SLC30A3: variants seen among roughly 807,000 people sequenced by gnomAD.
The protein encoded by SLC30A3 is probable proton-coupled zinc antiporter SLC30A3.
In SLC30A3, 20 loss-of-function variants were observed where a neutral mutation model predicts 35.6. That is an observed-to-expected ratio of 0.56 (90% confidence interval 0.39 to 0.82). The LOEUF is 0.82. Ranked by LOEUF, SLC30A3 falls within the 40% of genes least tolerant of loss-of-function variation. SLC30A3 has a pLI of 0.00. For synonymous variants in SLC30A3, 217 were observed against 224.7 expected, an observed-to-expected ratio of 0.97 and a Z score of 0.31; for missense variants, 401 against 530.6, an observed-to-expected ratio of 0.76 and a Z score of 2.40.
exon 1 of SLC30A3, chr2:27,275,316 T>C (rs1572500851): frequency 5.7e-6 from 5 of 877,840 alleles, no homozygotes; most frequent in Non-Finnish European, 6.6e-6. Context: ...GCTCCTACGC[T>C]GCCTTGGGCC....
intron 1 of SLC30A3, among the ~76,000 whole-genome samples, chr2:27,273,556 C>T (rs1241562374): frequency 6.7e-6 from 1 of 150,060 alleles, no homozygotes; most frequent in African/African-American, 2.5e-5. Context: ...TGAGACAAAC[C>T]ACCATAAAAA....
At chr2:27,272,666 T>C (rs1412514027) in intron 1 of SLC30A3, among the ~76,000 whole-genome samples, 1 of 151,398 alleles carries the variant, frequency 6.6e-6, no homozygotes, top group East Asian at 2.0e-4. Flanking sequence ...GACCTCGTGA[T>C]CGACCCGCCT....
chr2:27,266,771 C>T (rs917524316), upstream of SLC30A3, among the ~76,000 whole-genome samples: 2 of 152,104 alleles, frequency 1.3e-5, no homozygotes, highest in African/African-American at 2.4e-5. Context: ...GTGGCATGCA[C>T]CTATAGTCCC....
upstream of SLC30A3, among the ~76,000 whole-genome samples, chr2:27,264,601 C>T (rs1370860867): frequency 6.6e-6 from 1 of 152,192 alleles, no homozygotes; most frequent in East Asian, 1.9e-4. The surrounding 1 kb of genome is among the most constrained non-coding windows in gnomAD (Gnocchi z 6.1). Flanking sequence ...GCGCGCCCTC[C>T]GCGCCGTCCC....
In SLC30A3 at chr2:27,261,130, T is replaced by C. The variant is rs138043190; in HGVS notation, c.95+1682A>G. 1.5e-3 allele frequency among the ~76,000 whole-genome samples: 224 copies of C among 152,208 alleles called. 1 individual carries two copies. The highest frequency in any genetic ancestry group is 4.7e-3 in the Admixed American group (72 of 15,286). ...GTTGGAGAAGGGTGTTCCAGACATG[T>C]AGAATGACAAAGACGAGGTTTGTGG... is the stretch of plus-strand genomic sequence containing the variant. On this transcript the variant is annotated intron_variant, in intron 1 of 7. Coordinates refer to ENST00000233535, the MANE Select transcript of SLC30A3 (RefSeq NM_003459.5).
rs566117541 is a variant in SLC30A3 at position 27,259,708 on chromosome 2, A to G, written c.96-774T>C. 9.9e-5 allele frequency among the ~76,000 whole-genome samples: 15 copies of G among 152,224 alleles called. No homozygotes were observed. The South Asian group carries it at 1.2e-3, about 13-fold the overall frequency. Reference sequence around the variant, plus strand: ...GGCATGAGGCTCACAGAGTTGGGGGACACATGGAGGCCAACCCAGTTAGTT... The same window carrying G: ...GGCATGAGGCTCACAGAGTTGGGGGGCACATGGAGGCCAACCCAGTTAGTT... On this transcript the variant is annotated intron_variant, in intron 1 of 7. Transcript: ENST00000233535.
chr2:27,263,209 C>G, upstream of SLC30A3: 1 of 858,858 alleles, frequency 1.2e-6, no homozygotes, highest in Non-Finnish European at 1.6e-6. Context: ...AGCCCGGGAG[C>G]GCCCCGCCAC....
chr2:27,260,861 C>T (rs546209711), intron 1 of SLC30A3, among the ~76,000 whole-genome samples: 25 of 152,082 alleles, frequency 1.6e-4, no homozygotes, highest in Non-Finnish European at 3.1e-4. Context: ...GAGGAGATGG[C>T]GTGGTGAAGG....
chr2:27,256,264 G>A, intron 7 of SLC30A3, 122 bp downstream of exon 7: 1 of 1,144,490 alleles, frequency 8.7e-7, no homozygotes, highest in Non-Finnish European at 1.3e-6. Flanking sequence ...GAGAGAGAGA[G>A]ACACAGAGAA....
chr2:27,273,815 C>G (rs562814413), intron 1 of SLC30A3, among the ~76,000 whole-genome samples: 108 of 151,868 alleles, frequency 7.1e-4, no homozygotes, highest in African/African-American at 2.5e-3. Context: ...CTTCTGCTCT[C>G]TCTACCCAGT....
upstream of SLC30A3, among the ~76,000 whole-genome samples, chr2:27,265,251 G>A (rs538023031): frequency 5.9e-5 from 9 of 152,380 alleles, no homozygotes. The surrounding 1 kb of genome is among the most constrained non-coding windows in gnomAD (Gnocchi z 5.9). Context: ...GGAGCCACCA[G>A]GCGGGGAAGG....
In SLC30A3 at chr2:27,262,120, G is replaced by A. The variant is rs1312794761; in HGVS notation, c.95+692C>T. 1 of 152,174 alleles carries A rather than the reference G, an allele frequency of 6.6e-6. No homozygotes were observed. Among genetic ancestry groups the A allele is most frequent in the African/African-American group, 2.4e-5 (1 of 41,442 alleles). 9.4% of individuals were successfully genotyped at this position (152,174 alleles called of 1,614,324 possible). A position where few individuals can be genotyped will look rare whatever the true frequency, so the allele number is the denominator to read the frequency against. Reference sequence around the variant, plus strand: ...GGTGGCGGCAGGCGCGGGGGCCGGCGGGGCGCGTTGGCGGTTCTCCTGCCA... The same window carrying A: ...GGTGGCGGCAGGCGCGGGGGCCGGCAGGGCGCGTTGGCGGTTCTCCTGCCA... On this transcript the variant is annotated intron_variant, in intron 1 of 7. Transcript: ENST00000233535. This position sits in a 1 kb window ranked among gnomAD's most constrained non-coding sequence, Gnocchi z 7.5.
At chr2:27,268,010 T>C (rs912683426), upstream of SLC30A3, among the ~76,000 whole-genome samples, 1 of 152,180 alleles carries the variant, frequency 6.6e-6, no homozygotes, top group Non-Finnish European at 1.5e-5. Flanking sequence ...TTCCTTGTTT[T>C]ATTTTTCTCC....
rs1426394654 is a variant in SLC30A3, at chr2:27,257,274, C to G, written c.657G>C (p.Glu219Asp). 1 of 1,614,062 alleles carries G rather than the reference C, an allele frequency of 6.2e-7. No homozygotes were observed. The highest frequency in any genetic ancestry group is 1.7e-4 in the Middle Eastern group (1 of 6,054). ...SRGAEYAPLE[E>D]GPEEPLPLGN... is the part of the protein sequence containing the mutation. ...CCAGGGGCAGGGGCTCTTCAGGCCC[C>G]TCCTCCAGCGGTGCATACTCTGCTC... Residue 219 changes from glutamate to aspartate, a missense_variant, in exon 5 of 8, where the codon GAG becomes GAC. Glu to Asp is a conservative substitution (Grantham distance 45). Coordinates refer to ENST00000233535, the MANE Select transcript of SLC30A3 (RefSeq NM_003459.5). The surrounding 1 kb of genome is among the most constrained non-coding windows in gnomAD (Gnocchi z 4.7).
upstream of SLC30A3, chr2:27,264,013 A>G (rs1449040464): frequency 7.8e-7 from 1 of 1,286,978 alleles, no homozygotes; most frequent in African/African-American, 1.5e-5. The surrounding 1 kb of genome is among the most constrained non-coding windows in gnomAD (Gnocchi z 6.1). Context: ...GACTTACAGC[A>G]AAGTCGGTGG....
In SLC30A3 at chr2:27,257,810, G is replaced by C. The variant is rs374431565; in HGVS notation, c.578+95C>G. ...TGGAGAGCTGTGTGTGCGTGTCTGT[G>C]TGTCTGGTGGGGAGGAGAGAGCCAG... On this transcript the variant is annotated intron_variant, in intron 4 of 7. Transcript: ENST00000233535. This position sits in a 1 kb window ranked among gnomAD's most constrained non-coding sequence, Gnocchi z 4.7. 18 of 1,255,954 alleles carry C rather than the reference G, an allele frequency of 1.4e-5. No individual in the cohort carries two copies. In the East Asian group the frequency reaches 3.0e-4, roughly 21 times the overall value. 77.8% of individuals were successfully genotyped at this position (1,255,954 alleles called of 1,614,324 possible).
rs188664238 is a variant in SLC30A3, at chr2:27,258,568, G to T, written c.277+185C>A. 2 of 703,998 alleles carry T rather than the reference G, an allele frequency of 2.8e-6. No individual in the cohort carries two copies. Among genetic ancestry groups the T allele is most frequent in the Non-Finnish European group, 4.6e-6 (2 of 434,352 alleles). The allele number at this position is 703,998 out of a possible 1,614,324, so 43.6% of individuals were successfully genotyped here. Reference sequence around the variant, plus strand: ...CCCTGACCTACTGGCCCCGGACCTCGGCTGGAATTCCCTTTGTTGCTGTCC... The same window carrying T: ...CCCTGACCTACTGGCCCCGGACCTCTGCTGGAATTCCCTTTGTTGCTGTCC... On this transcript the variant is annotated intron_variant, in intron 2 of 7. Coordinates refer to ENST00000233535, the MANE Select transcript of SLC30A3 (RefSeq NM_003459.5). The surrounding 1 kb of genome is among the most constrained non-coding windows in gnomAD (Gnocchi z 4.0).
upstream of SLC30A3, chr2:27,263,239 T>A: frequency 1.9e-6 from 1 of 537,328 alleles, no homozygotes; most frequent in Non-Finnish European, 3.0e-6. Flanking sequence ...GGAGAACTCC[T>A]CATCTCCACA....
At chr2:27,272,085 C>G (rs1677747120) in intron 1 of SLC30A3, among the ~76,000 whole-genome samples, 1 of 152,170 alleles carries the variant, frequency 6.6e-6, no homozygotes, top group East Asian at 1.9e-4. Context: ...TCGGAAAAGC[C>G]TCACACTTTT....
Sources: gnomAD v4.1 joint callset for allele counts (sites outside exome capture counted in the v4.1 genomes callset) on GRCh38, gnomAD v4.1.1 for gene constraint, Gnocchi (gnomAD v3.1) non-coding constraint, MANE v1.5 for transcripts, NCBI Gene and HGNC (gene_info 2026-07-23, HGNC 2026-07-21) for gene names.